The following AGR3 variants were observed in gnomAD, a reference collection of about 807,000 sequenced individuals.
The protein encoded by AGR3 is anterior gradient 3, protein disulphide isomerase family member, also known as anterior gradient protein 3.
AGR3 carries 37 observed loss-of-function variants against 24.5 expected under a neutral mutation model. The observed-to-expected ratio is 1.51, with a 90% CI of 1.16 to 1.99. The LOEUF (loss-of-function observed/expected upper bound fraction) is 1.99. Ranked by LOEUF, AGR3 falls within the 30% of genes most tolerant of loss-of-function variation. AGR3 has a pLI of 0.00. For missense variants in AGR3, 228 were observed against 191.1 expected (o/e 1.19, Z -1.14); for synonymous variants, 75 against 61.6 (o/e 1.22, Z -1.02).
chr7:16,864,834 T>C, intron 3 of AGR3: 1 of 882,690 alleles, frequency 1.1e-6, no homozygotes, highest in Non-Finnish European at 2.0e-6. Context: ...ATGTCCTATA[T>C]TTCCTGAGTA....
In AGR3 at chr7:16,859,638, T is replaced by A. The variant is rs1562543681; in HGVS notation, c.452-7A>T. Reference sequence around the variant, plus strand: ...TTCTTCATGTTTTCTATCACTGAAATAAGAGTTAATATATATTATGCTATT... The same window carrying A: ...TTCTTCATGTTTTCTATCACTGAAAAAAGAGTTAATATATATTATGCTATT... On this transcript the variant is annotated splice_polypyrimidine_tract_variant and splice_region_variant and intron_variant, in intron 7 of 7. Coordinates refer to ENST00000310398, the MANE Select transcript of AGR3 (RefSeq NM_176813.5). 1.4e-5 allele frequency: 20 copies of A among 1,458,736 alleles called. No homozygotes were observed. The highest frequency in any genetic ancestry group is 1.9e-5 in the Non-Finnish European group (20 of 1,061,024). 90.4% of individuals were successfully genotyped at this position (1,458,736 alleles called of 1,614,324 possible).
chr7:16,870,386 T>C (rs1172102954), intron 3 of AGR3, among the ~76,000 whole-genome samples: 2 of 148,264 alleles, frequency 1.3e-5, no homozygotes, highest in Non-Finnish European at 3.0e-5. Flanking sequence ...TTTCTACTTT[T>C]TCCTTCTATA....
At chr7:16,859,032 T>C (rs1466852726), downstream of AGR3, among the ~76,000 whole-genome samples, 1 of 152,154 alleles carries the variant, frequency 6.6e-6, no homozygotes, top group African/African-American at 2.4e-5. Context: ...CTTGTTTTGG[T>C]AACATGGAGA....
At chr7:16,858,285 C>T (rs777442495), downstream of AGR3, among the ~76,000 whole-genome samples, 11 of 152,108 alleles carry the variant, frequency 7.2e-5, no homozygotes, top group Admixed American at 3.3e-4. Flanking sequence ...TGAGCCACCG[C>T]ACCCAGCCTC....
At chr7:16,862,565 T>C (rs1294625296) in intron 4 of AGR3, 45 bp downstream of exon 4, 1 of 1,232,664 alleles carries the variant, frequency 8.1e-7, no homozygotes, top group Non-Finnish European at 1.1e-6. Flanking sequence ...TATTTTATAT[T>C]GGAAATATTA....
Position 16,877,029 on chromosome 7 carries a change from T to G in AGR3, c.109+1481A>C, listed in dbSNP as rs183577244. Among the ~76,000 whole-genome samples, 8 of 152,060 alleles carry G rather than the reference T, an allele frequency of 5.3e-5. No homozygotes were observed. In the East Asian group the frequency reaches 1.5e-3, roughly 29 times the overall value. The stretch of plus-strand genomic sequence containing the variant: ...TAGGAAAATATTTCAACTTTTTCAT[T>G]CCTTTCTTTTGCAAAAATATGTTGA... On this transcript the variant is annotated intron_variant, in intron 2 of 7. Transcript: ENST00000310398.
chr7:16,861,220 A>T (rs748466335), intron 6 of AGR3, among the ~76,000 whole-genome samples, 164 bp downstream of exon 6: 2 of 152,204 alleles, frequency 1.3e-5, no homozygotes, highest in Non-Finnish European at 2.9e-5. Context: ...CAAATTACAG[A>T]TATAGTGGAT....
intron 3 of AGR3, chr7:16,864,839 T>A (rs990130710): frequency 2.3e-6 from 2 of 879,026 alleles, no homozygotes; most frequent in Admixed American, 3.4e-5. Context: ...CTATATTTCC[T>A]GAGTAAAGAG....
intron 3 of AGR3, among the ~76,000 whole-genome samples, chr7:16,867,069 C>G (rs1253401282): frequency 6.6e-6 from 1 of 152,136 alleles, no homozygotes; most frequent in Non-Finnish European, 1.5e-5. Flanking sequence ...CCCCAGGTAT[C>G]TTTCTTGCCT....
chr7:16,859,007 A>T (rs6972723), downstream of AGR3, among the ~76,000 whole-genome samples: 53,090 of 152,124 alleles, frequency 0.35, 10,536 homozygotes, highest in Admixed American at 0.48. Flanking sequence ...TCACAAGTGG[A>T]CAGAGATTTA....
intron 6 of AGR3, 65 bp downstream of exon 6, chr7:16,861,319 A>C: frequency 7.7e-7 from 1 of 1,291,152 alleles, no homozygotes; most frequent in Non-Finnish European, 1.1e-6. Context: ...GCATTTAAAA[A>C]TAAAAGCAAG....
intron 3 of AGR3, among the ~76,000 whole-genome samples, chr7:16,866,520 A>G (rs1187418962): frequency 6.6e-6 from 1 of 152,164 alleles, no homozygotes; most frequent in Non-Finnish European, 1.5e-5. Context: ...GAGTGTGTGC[A>G]TTTATAATTC....
intron 5 of AGR3, 72 bp downstream of exon 5, chr7:16,861,912 A>AG (rs1030271855): frequency 1.8e-5 from 25 of 1,393,168 alleles, no homozygotes; most frequent in South Asian, 1.7e-4. Context: ...AAAAAAAAAA[A>AG]AAAAAGAAAA....
chr7:16,869,642 G>A (rs532065678), intron 3 of AGR3, among the ~76,000 whole-genome samples: 12 of 149,900 alleles, frequency 8.0e-5, no homozygotes, highest in Non-Finnish European at 1.0e-4. Context: ...CAGGAGGATC[G>A]CTTGAGCCTA....
chr7:16,858,308 T>C (rs889494384), downstream of AGR3, among the ~76,000 whole-genome samples: 3 of 152,104 alleles, frequency 2.0e-5, no homozygotes, highest in Non-Finnish European at 4.4e-5. Flanking sequence ...AAATATTTTC[T>C]ACCTTCTGAT....
chr7:16,880,373 C>A (rs1007869403), intron 1 of AGR3, among the ~76,000 whole-genome samples: 1 of 151,852 alleles, frequency 6.6e-6, no homozygotes, highest in South Asian at 2.1e-4. Context: ...GTTGGCCAGG[C>A]TGATCTCAAA....
rs537125044 is a variant in AGR3, at chr7:16,861,163, A to T, written c.367+221T>A. ...GGCACTGTGTTGAAAGTACATTGGGATATAGATTTAATAGCATACATGCTT... is the reference window on the plus strand; with the variant it reads ...GGCACTGTGTTGAAAGTACATTGGGTTATAGATTTAATAGCATACATGCTT... On this transcript the variant is annotated intron_variant, in intron 6 of 7. Coordinates refer to ENST00000310398, the MANE Select transcript of AGR3 (RefSeq NM_176813.5). Among the ~76,000 whole-genome samples the T allele has an allele frequency of 2.6e-5, 4 of 152,338 alleles. No homozygotes were observed. The South Asian group carries it at 8.3e-4, about 32-fold the overall frequency.
At chr7:16,875,906 G>A (rs1005607078) in intron 2 of AGR3, among the ~76,000 whole-genome samples, 1 of 152,144 alleles carries the variant, frequency 6.6e-6, no homozygotes, top group Admixed American at 6.5e-5. Flanking sequence ...TTTGCATTAA[G>A]TAAAAGTTAT....
chr7:16,858,738 G>A (rs1781586803), downstream of AGR3, among the ~76,000 whole-genome samples: 1 of 151,944 alleles, frequency 6.6e-6, no homozygotes, highest in Non-Finnish European at 1.5e-5. Context: ...AGGTGTGGTG[G>A]TACACACCTG....
Sources: allele counts gnomAD v4.1 joint callset (sites outside exome capture counted in the v4.1 genomes callset), GRCh38; gene constraint gnomAD v4.1.1; transcripts MANE v1.5; gene names NCBI Gene and HGNC (gene_info 2026-07-23, HGNC 2026-07-21).